The following SERINC5 variants were observed in gnomAD, a reference collection of about 807,000 sequenced individuals.
The protein encoded by SERINC5 is chromosome 5 open reading frame 12.
Under a neutral mutation model 63.1 loss-of-function variants are expected in SERINC5, and 41 were observed. The observed-to-expected ratio is 0.65, with a 90% confidence interval of 0.51 to 0.84. The LOEUF is 0.84. Among genes scored for constraint, SERINC5 ranks in the 40% least tolerant of loss-of-function variants. The pLI is 0.00. For synonymous variants in SERINC5, 222 were observed against 215.2 expected (o/e 1.03, Z -0.28); for missense variants, 523 against 573.0 (o/e 0.91, Z 0.89).
At chr5:80,166,651 A>C in intron 6 of SERINC5, 173 bp from the exon 7 acceptor site, 1 of 508,618 alleles carries the variant, frequency 2.0e-6, no homozygotes, top group Non-Finnish European at 3.6e-6. Flanking sequence ...AAAGATATTA[A>C]GGGGGAGAGA....
At chr5:80,121,890 C>T (rs1744557968) in intron 11 of SERINC5, among the ~76,000 whole-genome samples, 1 of 151,870 alleles carries the variant, frequency 6.6e-6, no homozygotes, top group African/African-American at 2.4e-5. Context: ...GGGGAGGGCA[C>T]AAAACCATTC....
intron 1 of SERINC5, among the ~76,000 whole-genome samples, chr5:80,237,280 T>C (rs574282782): frequency 6.6e-5 from 10 of 152,198 alleles, no homozygotes; most frequent in African/African-American, 2.2e-4. Context: ...GACTCTCTAA[T>C]TGTTTTACAA....
chr5:80,240,388 C>G (rs529665014), intron 1 of SERINC5, among the ~76,000 whole-genome samples: 9 of 152,310 alleles, frequency 5.9e-5, no homozygotes, highest in Admixed American at 1.3e-4. Context: ...TTATGTATTT[C>G]TTAACCATTT....
At chr5:80,115,731 T>A (rs529903700) in intron 11 of SERINC5, among the ~76,000 whole-genome samples, 2 of 152,186 alleles carry the variant, frequency 1.3e-5, no homozygotes, top group East Asian at 3.9e-4. Flanking sequence ...AATATGTTGA[T>A]GTTTGGTAAA....
intron 2 of SERINC5, among the ~76,000 whole-genome samples, chr5:80,197,326 A>AACG: frequency 8.4e-5 from 2 of 23,936 alleles, no homozygotes; most frequent in African/African-American, 2.1e-4. Flanking sequence ...AGAGAGAGAG[A>AACG]GAGAGAGAGA....
At chr5:80,112,444 T>C (rs1482468234) in intron 12 of SERINC5, among the ~76,000 whole-genome samples, 2 of 152,126 alleles carry the variant, frequency 1.3e-5, no homozygotes, top group African/African-American at 2.4e-5. Flanking sequence ...TGCCGCTTCC[T>C]CTTGCTGAGA....
At chr5:80,179,276 G>A (rs1748265947) in intron 2 of SERINC5, among the ~76,000 whole-genome samples, 1 of 152,138 alleles carries the variant, frequency 6.6e-6, no homozygotes, top group South Asian at 2.1e-4. Context: ...TCTAGCCTGG[G>A]CAACAGAGTG....
intron 2 of SERINC5, among the ~76,000 whole-genome samples, chr5:80,196,503 C>T (rs1749507950): frequency 6.6e-6 from 1 of 152,086 alleles, no homozygotes; most frequent in Admixed American, 6.6e-5. Flanking sequence ...AAAATTACTA[C>T]ACAATCCAGC....
In SERINC5 at chr5:80,255,946, C is replaced by T. The variant is rs1399341007; in HGVS notation, c.-24G>A. On this transcript the variant is annotated 5_prime_UTR_variant, in exon 1 of 12. Transcript: ENST00000507668. Reference sequence around the variant, plus strand: ...ATCGCGGCGGCCAATGCCGAAGGCGCGCTCGCTGGCTCCCCGCGCCGCACG... The same window carrying T: ...ATCGCGGCGGCCAATGCCGAAGGCGTGCTCGCTGGCTCCCCGCGCCGCACG... 3.3e-6 allele frequency: 5 copies of T among 1,532,296 alleles called. No individual in the cohort carries two copies. The African/African-American group carries it at 4.3e-5, about 13-fold the overall frequency. 94.9% of individuals were successfully genotyped at this position (1,532,296 alleles called of 1,614,324 possible).
At chr5:80,197,178 G>A (rs1247914785) in intron 2 of SERINC5, among the ~76,000 whole-genome samples, 2 of 151,950 alleles carry the variant, frequency 1.3e-5, no homozygotes, top group African/African-American at 2.4e-5. Context: ...GTGAAACCCT[G>A]TCTCTACTAA....
chr5:80,116,449 C>T (rs1017807999), intron 11 of SERINC5: 38 of 412,008 alleles, frequency 9.2e-5, no homozygotes, highest in African/African-American at 1.5e-4. Context: ...CCATTTTCTC[C>T]GTTCCCTTCC....
chr5:80,230,459 A>AAAAAAAAAAAAAAAAAAAAAG (rs70982042), intron 1 of SERINC5, among the ~76,000 whole-genome samples: 2 of 128,620 alleles, frequency 1.6e-5, no homozygotes, highest in African/African-American at 6.2e-5. Flanking sequence ...AAAAAAAAAA[A>AAAAAAAAAAAAAAAAAAAAAG]AAAGAAACCA....
At chr5:80,225,473 A>G (rs1266672268) in intron 1 of SERINC5, among the ~76,000 whole-genome samples, 5 of 152,208 alleles carry the variant, frequency 3.3e-5, no homozygotes, top group Non-Finnish European at 7.3e-5. Flanking sequence ...TAACCATTCC[A>G]CAAGGCAGGC....
At chr5:80,169,246 A>C (rs1747490957) in intron 6 of SERINC5, 89 bp downstream of exon 6, 4 of 1,127,656 alleles carry the variant, frequency 3.5e-6, no homozygotes, top group Non-Finnish European at 5.2e-6. Context: ...AGTTCCAAAC[A>C]AACAAAACAA....
At chr5:80,210,201 C>G (rs1331251603) in intron 1 of SERINC5, among the ~76,000 whole-genome samples, 1 of 152,172 alleles carries the variant, frequency 6.6e-6, no homozygotes, top group African/African-American at 2.4e-5. Context: ...TTTCGAAGAG[C>G]CTGGCACATC....
chr5:80,129,601 G>A (rs1309781708), intron 11 of SERINC5, among the ~76,000 whole-genome samples: 3 of 152,158 alleles, frequency 2.0e-5, no homozygotes, highest in Non-Finnish European at 1.5e-5. Context: ...GAGCCACTGT[G>A]CCTGGCAACA....
At chr5:80,234,101 T>C (rs1213293407) in intron 1 of SERINC5, among the ~76,000 whole-genome samples, 3 of 152,248 alleles carry the variant, frequency 2.0e-5, no homozygotes, top group Admixed American at 1.3e-4. Context: ...TGAGCCACCA[T>C]GCCCGACCCC....
At position 80,232,213 on chromosome 5, in the gene SERINC5, G is replaced by A. The variant is rs184235589; in HGVS notation, c.27+23683C>T. Reference sequence around the variant, plus strand: ...AGGTCAGGAGATCAAGACCATCCTGGCTAACACCGTAAAACCCTGTCTCTA... The same window carrying A: ...AGGTCAGGAGATCAAGACCATCCTGACTAACACCGTAAAACCCTGTCTCTA... On this transcript the variant is annotated intron_variant, in intron 1 of 11. Coordinates refer to ENST00000507668, the MANE Select transcript of SERINC5 (RefSeq NM_001174072.3). Among the ~76,000 whole-genome samples, 699 of 150,738 alleles carry A rather than the reference G, an allele frequency of 4.6e-3. 5 individuals are homozygous for A. Among genetic ancestry groups the A allele is most frequent in the Non-Finnish European group, 7.2e-3 (487 of 67,788 alleles).
At chr5:80,183,909 C>T (rs941327211) in intron 2 of SERINC5, among the ~76,000 whole-genome samples, 1 of 152,164 alleles carries the variant, frequency 6.6e-6, no homozygotes, top group Non-Finnish European at 1.5e-5. Context: ...AAAGGAAGCA[C>T]CCGCAGGCGG....
Sources: gnomAD v4.1 joint callset for allele counts (sites outside exome capture counted in the v4.1 genomes callset) on GRCh38, gnomAD v4.1.1 for gene constraint, MANE v1.5 for transcripts, NCBI Gene and HGNC (gene_info 2026-07-23, HGNC 2026-07-21) for gene names.